The following PDE3B variants were observed in gnomAD, a reference collection of about 807,000 sequenced individuals.
PDE3B encodes the protein cGMP-inhibited 3',5'-cyclic phosphodiesterase 3B.
Under a neutral mutation model 116.8 loss-of-function variants are expected in PDE3B, and 66 were observed. The observed-to-expected ratio is 0.56, with a 90% CI of 0.46 to 0.69. The LOEUF is 0.69. PDE3B is among the 30% of genes least tolerant of loss of function. The probability of loss-of-function intolerance (pLI) is 0.00; values close to 1 mark genes in which losing one functional copy is unlikely to be tolerated. For missense variants in PDE3B, 1,384 were observed against 1,368.1 expected, an observed-to-expected ratio of 1.01 and a Z score of -0.18; for synonymous variants, 595 against 533.6, an observed-to-expected ratio of 1.12 and a Z score of -1.59.
chr11:14,892,160 CGCCGA>C, the PDE3B span: 1 of 1,610,612 alleles, frequency 6.2e-7, no homozygotes, highest in Admixed American at 1.7e-5. Flanking sequence ...AAGAGCGCGC[CGCCGA>C]GCGCCGCCGC....
chr11:14,782,043 G>C (rs1858021171), intron 2 of PDE3B, among the ~76,000 whole-genome samples: 1 of 152,164 alleles, frequency 6.6e-6, no homozygotes. Context: ...AATCATGAGT[G>C]AACTCCCATT....
At chr11:14,859,583 T>C (rs1339017034) in intron 13 of PDE3B, among the ~76,000 whole-genome samples, 3 of 152,210 alleles carry the variant, frequency 2.0e-5, no homozygotes, top group Non-Finnish European at 4.4e-5. Flanking sequence ...GACAAAGCCA[T>C]GCTCAGTGTC....
At chr11:14,879,311 C>G in the PDE3B span, 2 of 1,613,138 alleles carry the variant, frequency 1.2e-6, no homozygotes, top group East Asian at 4.5e-5. Flanking sequence ...ATGGAAAATC[C>G]CTAATGGAAC....
chr11:14,731,667 T>C (rs1485213857), intron 1 of PDE3B, among the ~76,000 whole-genome samples: 1 of 152,210 alleles, frequency 6.6e-6, no homozygotes, highest in Non-Finnish European at 1.5e-5. Context: ...TATAAGGCTA[T>C]AGTTTAGTTC....
At chr11:14,741,082 T>C (rs1241237257) in intron 1 of PDE3B, among the ~76,000 whole-genome samples, 2 of 152,096 alleles carry the variant, frequency 1.3e-5, no homozygotes, top group Non-Finnish European at 2.9e-5. Context: ...ATTCCGTTGA[T>C]TTGGGGTGGG....
intron 12 of PDE3B, among the ~76,000 whole-genome samples, chr11:14,851,284 C>A (rs1847744706): frequency 6.6e-6 from 1 of 152,100 alleles, no homozygotes. Context: ...TTGCTGAATT[C>A]ATCTCACTTC....
At chr11:14,792,989 G>C (rs1858438505) in intron 4 of PDE3B, among the ~76,000 whole-genome samples, 1 of 152,130 alleles carries the variant, frequency 6.6e-6, no homozygotes, top group East Asian at 1.9e-4. Context: ...GCCTGTTTAA[G>C]TTCTGTAAAG....
the PDE3B span, chr11:14,892,272 A>AATGGGAG: frequency 6.8e-7 from 1 of 1,479,666 alleles, no homozygotes; most frequent in Non-Finnish European, 9.2e-7. Flanking sequence ...CAGCCCTGCC[A>AATGGGAG]TACTCCCATT....
intron 1 of PDE3B, among the ~76,000 whole-genome samples, chr11:14,671,329 G>T (rs1428182246): frequency 1.3e-5 from 2 of 152,098 alleles, no homozygotes; most frequent in African/African-American, 4.8e-5. Context: ...TATAAATGTT[G>T]AGAAGGAGCT....
Position 14,644,179 on chromosome 11 carries a change from G to A in PDE3B, c.104G>A (p.Cys35Tyr). Reference protein sequence around the residue: ...ESLRNGYVKSCVSPLRQDPPR... With the variant: ...ESLRNGYVKSYVSPLRQDPPR... The stretch of plus-strand genomic sequence containing the variant: ...CTGAGGAACGGCTACGTGAAGAGCT[G>A]CGTGAGCCCCTTGCGGCAGGACCCT... Residue 35 changes from cysteine to tyrosine, a missense_variant, in exon 1 of 16, where the codon TGC becomes TAC. Coordinates refer to ENST00000282096, the MANE Select transcript of PDE3B (RefSeq NM_000922.4). 9 of 1,597,188 alleles carry A rather than the reference G, an allele frequency of 5.6e-6. No homozygotes were observed. The highest frequency in any genetic ancestry group is 7.6e-6 in the Non-Finnish European group (9 of 1,177,942).
chr11:14,645,129 CT>C (rs748632246), intron 1 of PDE3B, 76 bp downstream of exon 1: 63 of 823,396 alleles, frequency 7.7e-5, no homozygotes, highest in Non-Finnish European at 9.6e-5. Flanking sequence ...GTTGAATTCG[CT>C]TATTTCAAAG....
chr11:14,667,542 C>T (rs1452255249), intron 1 of PDE3B, among the ~76,000 whole-genome samples: 2 of 151,730 alleles, frequency 1.3e-5, no homozygotes, highest in East Asian at 3.9e-4. Flanking sequence ...TTCGTAGGGA[C>T]ATGGATGAAG....
chr11:14,741,768 T>C (rs1374620889), intron 1 of PDE3B, among the ~76,000 whole-genome samples: 22 of 152,166 alleles, frequency 1.4e-4, no homozygotes, highest in Admixed American at 1.4e-3. Context: ...TTAGGAGCTC[T>C]TGTAAGGCAG....
At chr11:14,891,961 G>A in the PDE3B span, 1 of 1,609,656 alleles carries the variant, frequency 6.2e-7, no homozygotes, top group African/African-American at 1.3e-5. Flanking sequence ...CTCCCTGCCC[G>A]GGGCCCGTCG....
chr11:14,653,702 A>T (rs549819287), intron 1 of PDE3B, among the ~76,000 whole-genome samples: 1 of 152,132 alleles, frequency 6.6e-6, no homozygotes, highest in African/African-American at 2.4e-5. Flanking sequence ...ACAGGTGATT[A>T]AAAAAACTGT....
chr11:14,768,740 G>A (rs1857561209), intron 1 of PDE3B, among the ~76,000 whole-genome samples: 1 of 151,292 alleles, frequency 6.6e-6, no homozygotes, highest in Non-Finnish European at 1.5e-5. Flanking sequence ...GATCTGTTGT[G>A]GATTGATGCT....
the PDE3B span, among the ~76,000 whole-genome samples, chr11:14,894,879 T>C: frequency 6.6e-6 from 1 of 152,064 alleles, no homozygotes; most frequent in Admixed American, 6.6e-5. Context: ...GACAGGAAGG[T>C]TTAGGGCAGC....
intron 1 of PDE3B, among the ~76,000 whole-genome samples, chr11:14,765,409 C>G (rs1249708029): frequency 6.6e-6 from 1 of 151,714 alleles, no homozygotes; most frequent in African/African-American, 2.4e-5. Flanking sequence ...TTTTGTAGAG[C>G]TCCGTAGAGC....
chr11:14,689,179 G>A (rs558851361), intron 1 of PDE3B, among the ~76,000 whole-genome samples: 4 of 152,278 alleles, frequency 2.6e-5, no homozygotes, highest in South Asian at 4.1e-4. Flanking sequence ...GAACAGATAC[G>A]ATGAAAATTA....
Sources: gnomAD v4.1 joint callset for allele counts (sites outside exome capture counted in the v4.1 genomes callset) on GRCh38, gnomAD v4.1.1 for gene constraint, MANE v1.5 for transcripts, NCBI Gene and HGNC (gene_info 2026-07-23, HGNC 2026-07-21) for gene names.